The following TTLL5 variants were observed in gnomAD, a reference collection of about 807,000 sequenced individuals.
TTLL5 encodes the protein tubulin tyrosine ligase like 5, also known as tubulin polyglutamylase TTLL5.
TTLL5 carries 132 observed loss-of-function variants against 168.4 expected under a neutral mutation model. That is an observed-to-expected ratio of 0.78 (90% CI 0.68 to 0.91). The LOEUF is 0.91. Ranked by LOEUF, TTLL5 falls within the 40% of genes least tolerant of loss-of-function variation. The pLI is 0.00. For synonymous variants in TTLL5, 546 were observed against 558.6 expected, an observed-to-expected ratio of 0.98 and a Z score of 0.32; for missense variants, 1,545 against 1,581.5, an observed-to-expected ratio of 0.98 and a Z score of 0.39.
intron 7 of TTLL5, among the ~76,000 whole-genome samples, chr14:75,704,082 A>G (rs1042421430): frequency 2.6e-5 from 4 of 152,202 alleles, no homozygotes; most frequent in African/African-American, 9.6e-5. Flanking sequence ...TAATCCATAT[A>G]TGAACCCTAT....
chr14:75,910,132 GAT>G (rs2033312461), intron 31 of TTLL5, among the ~76,000 whole-genome samples: 1 of 152,178 alleles, frequency 6.6e-6, no homozygotes, highest in South Asian at 2.1e-4. Context: ...TCTGAAAATT[GAT>G]ATTTTTTTCT....
At chr14:75,814,029 T>TA (rs990583788) in intron 27 of TTLL5, among the ~76,000 whole-genome samples, 11 of 152,176 alleles carry the variant, frequency 7.2e-5, no homozygotes, top group Non-Finnish European at 1.3e-4. Flanking sequence ...GTCCCTAATT[T>TA]AAAAATCCAA....
At chr14:75,950,767 A>T (rs951674045) in intron 31 of TTLL5, among the ~76,000 whole-genome samples, 1 of 152,148 alleles carries the variant, frequency 6.6e-6, no homozygotes, top group Non-Finnish European at 1.5e-5. Flanking sequence ...CAGGAGTTCC[A>T]GAGCAGCCTG....
At chr14:75,755,985 C>T (rs1322237123) in intron 18 of TTLL5, among the ~76,000 whole-genome samples, 4 of 139,310 alleles carry the variant, frequency 2.9e-5, no homozygotes, top group Admixed American at 7.2e-5. Context: ...ACCCCCCCAC[C>T]GCCCCCCACC....
At chr14:75,878,141 G>GAGATGCAGTACATGT (rs2031598221) in intron 29 of TTLL5, among the ~76,000 whole-genome samples, 2 of 151,952 alleles carry the variant, frequency 1.3e-5, no homozygotes, top group South Asian at 4.1e-4. Context: ...TCTGCCTTCT[G>GAGATGCAGTACATGT]TTGTTGTATT....
At chr14:75,918,023 T>G (rs1003080279) in intron 31 of TTLL5, among the ~76,000 whole-genome samples, 12 of 152,226 alleles carry the variant, frequency 7.9e-5, no homozygotes, top group African/African-American at 2.4e-4. Context: ...TCTGCTCTAC[T>G]AACTCTAATG....
intron 31 of TTLL5, among the ~76,000 whole-genome samples, chr14:75,936,124 A>T (rs183595204): frequency 7.9e-5 from 12 of 152,264 alleles, no homozygotes; most frequent in African/African-American, 2.9e-4. Flanking sequence ...GCTGTATCCC[A>T]GGTGCTGTAA....
chr14:75,831,762 A>C (rs1289486167), intron 28 of TTLL5, among the ~76,000 whole-genome samples: 1 of 152,144 alleles, frequency 6.6e-6, no homozygotes, highest in Non-Finnish European at 1.5e-5. Flanking sequence ...CTGTGTTCCC[A>C]TATCACATTT....
At position 75,783,374 on chromosome 14, in the gene TTLL5, T is replaced by C; in HGVS notation, c.2830T>C (p.Ser944Pro). 1 of 1,614,170 alleles carries C rather than the reference T, an allele frequency of 6.2e-7. No individual in the cohort carries two copies. The highest frequency in any genetic ancestry group is 8.5e-7 in the Non-Finnish European group (1 of 1,180,030). Residue 944 changes from serine (S) to proline (P), a missense_variant, in exon 26 of 32, where the codon TCT becomes CCT. Ser to Pro is a moderately conservative substitution (Grantham distance 74). Transcript: ENST00000298832. The stretch of plus-strand genomic sequence containing the variant: ...ACTGAACACAGTCTCTGCCAGTGCT[T>C]CTCCCTGCCTACATCCCGGGGCACA... ...ILLNTVSASA[S>P]PCLHPGAQNI... is the part of the protein sequence containing the mutation.
Position 75,782,548 on chromosome 14 carries a change from A to G in TTLL5, c.2577A>G (p.Thr859=), listed in dbSNP as rs748668917. ...AGCCACCTAAACAGCAACAGACGACAGAAATTCATTCTGATAAATTATCTC... is the reference window on the plus strand; with the variant it reads ...AGCCACCTAAACAGCAACAGACGACGGAAATTCATTCTGATAAATTATCTC... ...KIKPPKQQQT[T]EIHSDKLSRF... is the part of the protein sequence containing the mutation. Residue 859 remains threonine (T), a synonymous_variant, in exon 25 of 32, where the codon ACA becomes ACG. Transcript: ENST00000298832. 6.2e-7 allele frequency: 1 copy of G among 1,614,044 alleles called. No individual in the cohort carries two copies. Among genetic ancestry groups the G allele is most frequent in the South Asian group, 1.1e-5 (1 of 91,050 alleles).
At chr14:75,911,054 C>T (rs923160693) in intron 31 of TTLL5, among the ~76,000 whole-genome samples, 2 of 152,058 alleles carry the variant, frequency 1.3e-5, no homozygotes, top group African/African-American at 2.4e-5. Flanking sequence ...GTCAGAGTCT[C>T]GCTCTGTCAC....
chr14:75,889,324 G>T (rs906614374), intron 30 of TTLL5, among the ~76,000 whole-genome samples: 1 of 152,146 alleles, frequency 6.6e-6, no homozygotes, highest in Non-Finnish European at 1.5e-5. Context: ...AAAGAGAATA[G>T]AAATAATAGT....
chr14:75,662,989 A>T, intron 1 of TTLL5, 66 bp from the exon 2 acceptor site: 1 of 712,122 alleles, frequency 1.4e-6, no homozygotes, highest in Non-Finnish European at 2.6e-6. Context: ...TATCAGCAAT[A>T]ACCAATAAAT....
intron 27 of TTLL5, among the ~76,000 whole-genome samples, chr14:75,808,977 A>G (rs1012391902): frequency 8.7e-5 from 13 of 149,400 alleles, no homozygotes; most frequent in Non-Finnish European, 1.9e-4. Flanking sequence ...TATAAGGAAT[A>G]TATATATATA....
At chr14:75,940,079 T>TA (rs963823121) in intron 31 of TTLL5, among the ~76,000 whole-genome samples, 2 of 5,966 alleles carry the variant, frequency 3.4e-4, no homozygotes, top group African/African-American at 1.0e-3. Context: ...AATTAAATCT[T>TA]TTTTTTTTTT....
chr14:75,733,881 C>T, intron 13 of TTLL5, 108 bp from the exon 14 acceptor site: 1 of 996,708 alleles, frequency 1.0e-6, no homozygotes, highest in Non-Finnish European at 1.5e-6. Flanking sequence ...TTATGTGTTG[C>T]TCTTCATTGA....
chr14:75,827,642 A>G (rs1285630471), intron 28 of TTLL5, among the ~76,000 whole-genome samples: 2 of 147,920 alleles, frequency 1.4e-5, no homozygotes, highest in Non-Finnish European at 3.0e-5. Context: ...TTCATGAATT[A>G]TCAAGCTAAG....
chr14:75,876,729 A>G (rs1468054754), intron 29 of TTLL5, among the ~76,000 whole-genome samples: 1 of 152,236 alleles, frequency 6.6e-6, no homozygotes, highest in Non-Finnish European at 1.5e-5. Flanking sequence ...GCCGACAAAC[A>G]CTGTGAATGG....
chr14:75,925,983 G>A (rs1335626950), intron 31 of TTLL5, among the ~76,000 whole-genome samples: 1 of 151,800 alleles, frequency 6.6e-6, no homozygotes, highest in Non-Finnish European at 1.5e-5. Flanking sequence ...AGGTTGCAGT[G>A]AGCCGAGATG....
Sources: gnomAD v4.1 joint callset for allele counts (sites outside exome capture counted in the v4.1 genomes callset) on GRCh38, gnomAD v4.1.1 for gene constraint, MANE v1.5 for transcripts, NCBI Gene and HGNC (gene_info 2026-07-23, HGNC 2026-07-21) for gene names.